Variants in OTUD7A observed in about 807,000 individuals in gnomAD.
OTUD7A encodes OTU domain-containing protein 7A.
A neutral mutation model predicts 65.7 loss-of-function variants in OTUD7A; 12 were observed. The ratio of observed to expected loss-of-function variants is 0.18; its 90% CI spans 0.12 to 0.30. OTUD7A has a LOEUF of 0.30. OTUD7A is among the 10% of genes least tolerant of loss of function. OTUD7A has a pLI of 1.00. For synonymous variants in OTUD7A, 641 were observed against 586.3 expected (o/e 1.09, Z -1.35); for missense variants, 1,148 against 1,304.8 (o/e 0.88, Z 1.85).
chr15:31,762,114 G>A (rs1219744389), intron 1 of OTUD7A, among the ~76,000 whole-genome samples: 1 of 152,182 alleles, frequency 6.6e-6, no homozygotes, highest in Non-Finnish European at 1.5e-5. Context: ...TCAATAAACT[G>A]TACTTTTAGT....
chr15:31,584,626 C>T (rs1466589244), intron 3 of OTUD7A, among the ~76,000 whole-genome samples: 1 of 152,180 alleles, frequency 6.6e-6, no homozygotes, highest in African/African-American at 2.4e-5. Context: ...CATACACATC[C>T]AAAGAATCGC....
At chr15:31,853,196 C>T (rs972147494) in intron 1 of OTUD7A, among the ~76,000 whole-genome samples, 4 of 152,214 alleles carry the variant, frequency 2.6e-5, no homozygotes, top group African/African-American at 9.6e-5. Context: ...TGCTCAGCAT[C>T]CGTGCAAAAC....
At chr15:31,605,413 T>C (rs1349454704) in intron 3 of OTUD7A, among the ~76,000 whole-genome samples, 1 of 152,142 alleles carries the variant, frequency 6.6e-6, no homozygotes, top group Non-Finnish European at 1.5e-5. Flanking sequence ...CACAGGCATT[T>C]GGCACCTGAG....
Position 31,483,546 on chromosome 15 carries a change from CG to C in OTUD7A, c.2549del (p.Ala850GlyfsTer137). The stretch of plus-strand genomic sequence containing the variant: ...TGTAGGTCTGCGACTTGTGCTCGGC[CG>C]CCCCCGCCGTCCCCGCCGCGCCCGG... Reference protein sequence around the residue: ...ALPGAAGTAGAAEHKSQTYTN... With the variant: ...ALPGAAGTAGXAEHKSQTYTN... On this transcript the variant is annotated frameshift_variant, in exon 13 of 13. Coordinates refer to ENST00000307050, the MANE Select transcript of OTUD7A (RefSeq NM_001382637.1). LOFTEE classifies it high-confidence loss of function. 1 of 1,323,578 alleles carries C rather than the reference CG, an allele frequency of 7.6e-7. No individual in the cohort carries two copies. The highest frequency in any genetic ancestry group is 3.5e-5 in the East Asian group (1 of 28,656). 82.0% of individuals were successfully genotyped at this position (1,323,578 alleles called of 1,614,324 possible). A position where few individuals can be genotyped will look rare whatever the true frequency, so the allele number is the denominator to read the frequency against.
intron 4 of OTUD7A, among the ~76,000 whole-genome samples, chr15:31,563,395 G>A (rs113150135): frequency 1.2e-3 from 177 of 152,300 alleles, no homozygotes; most frequent in African/African-American, 3.9e-3. Context: ...AAATGAAACC[G>A]AATTTAAGAA....
chr15:31,844,576 T>C (rs532023465), intron 1 of OTUD7A, among the ~76,000 whole-genome samples: 8 of 152,240 alleles, frequency 5.3e-5, no homozygotes, highest in African/African-American at 1.9e-4. Context: ...CTTCTTGTCC[T>C]TGGCCTCCTA....
rs566993044 is a variant in OTUD7A, at chr15:31,825,850, C to T, written c.-100+44657G>A. On this transcript the variant is annotated intron_variant, in intron 1 of 12. Coordinates refer to ENST00000307050, the MANE Select transcript of OTUD7A (RefSeq NM_001382637.1). ...AAACAAAGGGGCTACAGGCCCCATG[C>T]GAGTCCAAAATCCATTGGGGCAGTC... 7.2e-5 allele frequency among the ~76,000 whole-genome samples: 11 copies of T among 152,314 alleles called. No homozygotes were observed. The South Asian group carries it at 1.0e-3, about 14-fold the overall frequency.
At chr15:31,486,554 ATCAG>A (rs1214967434) in intron 12 of OTUD7A, among the ~76,000 whole-genome samples, 3 of 152,256 alleles carry the variant, frequency 2.0e-5, no homozygotes, top group Non-Finnish European at 2.9e-5. Flanking sequence ...AAAAACATCA[ATCAG>A]TCAGATGCTT....
intron 1 of OTUD7A, among the ~76,000 whole-genome samples, chr15:31,783,152 C>T (rs1895585255): frequency 6.6e-6 from 1 of 152,130 alleles, no homozygotes; most frequent in Admixed American, 6.5e-5. Context: ...TTCTGGAGAT[C>T]AAGGGAAAAG....
chr15:31,733,886 T>C (rs1168499952), intron 1 of OTUD7A, among the ~76,000 whole-genome samples: 1 of 152,130 alleles, frequency 6.6e-6, no homozygotes, highest in African/African-American at 2.4e-5. Context: ...AGAGGATGCC[T>C]GAAAGCTACA....
chr15:31,533,487 T>C (rs1352543164), intron 5 of OTUD7A, among the ~76,000 whole-genome samples: 1 of 152,222 alleles, frequency 6.6e-6, no homozygotes, highest in African/African-American at 2.4e-5. Flanking sequence ...TCTGCCTGCG[T>C]TGGCCTCTCA....
intron 3 of OTUD7A, among the ~76,000 whole-genome samples, chr15:31,641,472 C>T (rs932415295): frequency 6.6e-5 from 10 of 152,154 alleles, no homozygotes; most frequent in Admixed American, 2.6e-4. Flanking sequence ...TTAATTTCTA[C>T]ATAAAAAGCT....
At chr15:31,543,319 T>TTTTAAAAAGA (rs1426043971) in intron 5 of OTUD7A, among the ~76,000 whole-genome samples, 1 of 151,900 alleles carries the variant, frequency 6.6e-6, no homozygotes, top group African/African-American at 2.4e-5. Flanking sequence ...CTTGTAGAAT[T>TTTTAAAAAGA]TTTAAAAAGA....
At chr15:31,594,859 G>A (rs1889856440) in intron 3 of OTUD7A, among the ~76,000 whole-genome samples, 1 of 152,214 alleles carries the variant, frequency 6.6e-6, no homozygotes, top group Non-Finnish European at 1.5e-5. Flanking sequence ...GAGCCTGAGG[G>A]CTGGGAGGCC....
intron 6 of OTUD7A, among the ~76,000 whole-genome samples, chr15:31,529,445 G>A (rs1055480988): frequency 6.6e-6 from 1 of 152,194 alleles, no homozygotes; most frequent in Non-Finnish European, 1.5e-5. Context: ...ACCGGAAGAT[G>A]ATGACAATAC....
intron 3 of OTUD7A, among the ~76,000 whole-genome samples, chr15:31,584,641 T>C (rs1889473668): frequency 6.6e-6 from 1 of 152,180 alleles, no homozygotes. Context: ...AATCGCAAGA[T>C]TGTTGCCAGT....
chr15:31,632,006 G>A (rs1464699397), intron 3 of OTUD7A, among the ~76,000 whole-genome samples: 1 of 152,018 alleles, frequency 6.6e-6, no homozygotes, highest in Admixed American at 6.6e-5. Context: ...TTTTTTCAAA[G>A]TTTTTAACTT....
At chr15:31,767,535 G>A in intron 1 of OTUD7A, 1 of 773,222 alleles carries the variant, frequency 1.3e-6, no homozygotes, top group Non-Finnish European at 2.4e-6. Context: ...ATGTTTACTT[G>A]TATTGGCCCC....
At position 31,756,650 on chromosome 15, in the gene OTUD7A, A is replaced by G. The variant is rs977409515; in HGVS notation, c.-99-99573T>C. On this transcript the variant is annotated intron_variant, in intron 1 of 12. Transcript: ENST00000307050. ...CCAACACACACACACACACACACACACACACACACACACACACACACACAC... is the reference window on the plus strand; with the variant it reads ...CCAACACACACACACACACACACACGCACACACACACACACACACACACAC... Among the ~76,000 whole-genome samples the G allele has an allele frequency of 3.8e-4, 56 of 146,724 alleles. No individual in the cohort carries two copies. The South Asian group carries it at 4.2e-3, about 11-fold the overall frequency.
Sources: allele counts gnomAD v4.1 joint callset (sites outside exome capture counted in the v4.1 genomes callset), GRCh38; gene constraint gnomAD v4.1.1; transcripts MANE v1.5; gene names NCBI Gene and HGNC (gene_info 2026-07-23, HGNC 2026-07-21).